The following PIK3CD variants were observed in gnomAD, a reference collection of about 807,000 sequenced individuals.
PIK3CD encodes phosphatidylinositol-4,5-bisphosphate 3-kinase catalytic subunit delta, also known as phosphatidylinositol 4,5-bisphosphate 3-kinase catalytic subunit delta isoform.
A neutral mutation model predicts 122.9 loss-of-function variants in PIK3CD; 20 were observed. The observed-to-expected ratio is 0.16, with a 90% CI of 0.11 to 0.24. The LOEUF is 0.24. PIK3CD is among the 10% of genes least tolerant of loss of function. The pLI is 1.00. For synonymous variants in PIK3CD, 596 were observed against 593.4 expected (o/e 1.00, Z -0.06); for missense variants, 787 against 1,406.3 (o/e 0.56, Z 7.04).
At chr1:9,656,153 G>A (rs748793524) in intron 1 of PIK3CD, among the ~76,000 whole-genome samples, 2 of 152,122 alleles carry the variant, frequency 1.3e-5, no homozygotes, top group African/African-American at 4.8e-5. Flanking sequence ...GGAGTAGGGT[G>A]GGGGAGGAGG....
chr1:9,631,669 GA>G, the PIK3CD span, among the ~76,000 whole-genome samples: 2 of 151,648 alleles, frequency 1.3e-5, no homozygotes, highest in Non-Finnish European at 2.9e-5. Context: ...CTCCAACTCA[GA>G]AAAAAAAGGG....
At chr1:9,641,229 C>T in the PIK3CD span, among the ~76,000 whole-genome samples, 1 of 152,152 alleles carries the variant, frequency 6.6e-6, no homozygotes, top group African/African-American at 2.4e-5. Flanking sequence ...TACACACTTG[C>T]TGGATGAATC....
chr1:9,642,176 G>A, the PIK3CD span, among the ~76,000 whole-genome samples: 175 of 151,874 alleles, frequency 1.2e-3, 3 homozygotes, highest in African/African-American at 4.1e-3. Context: ...GCAATGGTGC[G>A]ATCTTGGCTC....
rs765031777 is a variant in PIK3CD, at chr1:9,715,722, G to T, written c.323G>T (p.Arg108Leu). Reference sequence around the variant, plus strand: ...CGCCTGGTGGCCCGTGAGGGCGACCGCGTGAAGAAGCTCATCAACTCACAG... The same window carrying T: ...CGCCTGGTGGCCCGTGAGGGCGACCTCGTGAAGAAGCTCATCAACTCACAG... The part of the protein sequence containing the change: ...VLRLVAREGD[R>L]VKKLINSQIS... The change falls in exon 4 of 24, where the codon CGC becomes CTC. Residue 108 changes from arginine to leucine, a missense_variant. Arg to Leu is a moderately radical substitution (Grantham distance 102). Coordinates refer to ENST00000377346, the MANE Select transcript of PIK3CD (RefSeq NM_005026.5). The surrounding 1 kb of genome is among the most constrained non-coding windows in gnomAD (Gnocchi z 4.1). The T allele has an allele frequency of 1.2e-5, 19 of 1,613,382 alleles. No homozygotes were observed. Among genetic ancestry groups the T allele is most frequent in the Non-Finnish European group, 1.2e-5 (14 of 1,180,014 alleles).
rs201391801 is a variant in PIK3CD, at chr1:9,704,506, CTTTGTTTTGT to C, written c.-32-5904_-32-5895del. Among the ~76,000 whole-genome samples, 4 of 151,818 alleles carry C rather than the reference CTTTGTTTTGT, an allele frequency of 2.6e-5. No individual in the cohort carries two copies. Among genetic ancestry groups the C allele is most frequent in the African/African-American group, 9.7e-5 (4 of 41,342 alleles). ...TCTCCCAAGTTGTTTTTTTGTTTTGCTTTGTTTTGTTTTGTTTTGTTTTTGAGACAGGGTC... is the reference window on the plus strand; with the variant it reads ...TCTCCCAAGTTGTTTTTTTGTTTTGCTTTGTTTTGTTTTTGAGACAGGGTC... On this transcript the variant is annotated intron_variant, in intron 2 of 23. Transcript: ENST00000377346. The surrounding 1 kb of genome is among the most constrained non-coding windows in gnomAD (Gnocchi z 5.0).
At chr1:9,642,054 C>T in the PIK3CD span, among the ~76,000 whole-genome samples, 1 of 152,130 alleles carries the variant, frequency 6.6e-6, no homozygotes, top group Non-Finnish European at 1.5e-5. Flanking sequence ...CCCGCCCTTA[C>T]TACAGGGAGT....
intron 1 of PIK3CD, among the ~76,000 whole-genome samples, chr1:9,658,029 T>C (rs6540991): frequency 0.46 from 70,599 of 152,002 alleles, 18,345 homozygotes; most frequent in East Asian, 0.86. Flanking sequence ...TCATGAAATC[T>C]GGAAGAAGTG....
At chr1:9,631,154 C>T in the PIK3CD span, among the ~76,000 whole-genome samples, 1 of 152,280 alleles carries the variant, frequency 6.6e-6, no homozygotes, top group South Asian at 2.1e-4. Flanking sequence ...CCCATCTGCC[C>T]GTCTGCATCA....
At chr1:9,698,331 G>A (rs1046605429) in intron 2 of PIK3CD, among the ~76,000 whole-genome samples, 3 of 152,194 alleles carry the variant, frequency 2.0e-5, no homozygotes, top group East Asian at 1.9e-4. Context: ...TAATAGAGAC[G>A]GGGTTTCACC....
the PIK3CD span, among the ~76,000 whole-genome samples, chr1:9,629,940 C>T: frequency 6.6e-6 from 1 of 152,148 alleles, no homozygotes; most frequent in African/African-American, 2.4e-5. Context: ...GGGGCGGAGG[C>T]GGAGGCCTGC....
chr1:9,690,500 T>C lies in PIK3CD; in HGVS notation c.-137-967T>C, dbSNP rs145380924. Among the ~76,000 whole-genome samples, 65 of 152,354 alleles carry C rather than the reference T, an allele frequency of 4.3e-4. No homozygotes were observed. In the East Asian group the frequency reaches 0.013, roughly 29 times the overall value. On this transcript the variant is annotated intron_variant, in intron 1 of 23. Coordinates refer to ENST00000377346, the MANE Select transcript of PIK3CD (RefSeq NM_005026.5). ...GTCAGCAATGGAAGGGATTTCTTCC[T>C]TAGCCTTTGGTGCTGACCTCCTGTT...
rs1008458740 is a variant in PIK3CD at position 9,652,089 on chromosome 1, A to C, written c.-138+287A>C. Among the ~76,000 whole-genome samples, 2 of 151,830 alleles carry C rather than the reference A, an allele frequency of 1.3e-5. 1 individual carries two copies. The highest frequency in any genetic ancestry group is 3.9e-4 in the East Asian group (2 of 5,150). Reference sequence around the variant, plus strand: ...GCGTGCGCAGCTCCCCGGCGCCTGCACTGCGCGCCTTGCCCGCCTGGCCCG... The same window carrying C: ...GCGTGCGCAGCTCCCCGGCGCCTGCCCTGCGCGCCTTGCCCGCCTGGCCCG... On this transcript the variant is annotated intron_variant, in intron 1 of 23. Transcript: ENST00000377346. This position sits in a 1 kb window ranked among gnomAD's most constrained non-coding sequence, Gnocchi z 6.2.
chr1:9,692,725 G>A lies in PIK3CD; in HGVS notation c.-33+1154G>A, dbSNP rs4846201. Among the ~76,000 whole-genome samples, 636 of 152,098 alleles carry A rather than the reference G, an allele frequency of 4.2e-3. 3 individuals carry two copies. Among genetic ancestry groups the A allele is most frequent in the Non-Finnish European group, 6.1e-3 (412 of 67,960 alleles). ...AGCCTGGGTGACAGAGTGAGACTCC[G>A]TCTCAAAAAAATAAATAAATAAAAT... On this transcript the variant is annotated intron_variant, in intron 2 of 23. Transcript: ENST00000377346.
chr1:9,631,965 T>TTCCCTCCC, the PIK3CD span, among the ~76,000 whole-genome samples: 2 of 149,908 alleles, frequency 1.3e-5, no homozygotes, highest in African/African-American at 5.1e-5. Flanking sequence ...TCCATCCTTC[T>TTCCCTCCC]TCCCTCCCTC....
At chr1:9,643,126 A>G in the PIK3CD span, among the ~76,000 whole-genome samples, 8 of 116,572 alleles carry the variant, frequency 6.9e-5, no homozygotes, top group Non-Finnish European at 1.1e-4. Context: ...AAAGAAGGAA[A>G]GGCCAGGCAT....
chr1:9,708,556 C>T (rs565187725), intron 2 of PIK3CD, among the ~76,000 whole-genome samples: 1 of 152,242 alleles, frequency 6.6e-6, no homozygotes, highest in African/African-American at 2.4e-5. Flanking sequence ...AATATAAAAA[C>T]ATGCATGGAC....
At position 9,700,895 on chromosome 1, in the gene PIK3CD, G is replaced by A. The variant is rs1316088294; in HGVS notation, c.-33+9324G>A. Among the ~76,000 whole-genome samples the A allele has an allele frequency of 6.6e-6, 1 of 151,932 alleles. No homozygotes were observed. Among genetic ancestry groups the A allele is most frequent in the African/African-American group, 2.4e-5 (1 of 41,336 alleles). On this transcript the variant is annotated intron_variant, in intron 2 of 23. Transcript: ENST00000377346. The surrounding 1 kb of genome is among the most constrained non-coding windows in gnomAD (Gnocchi z 5.1). ...CTTCCTCCTGCACCGTCCCCCAAGG[G>A]TCCCTCTGATTTAAGTATGTCTGGA... is the stretch of plus-strand genomic sequence containing the variant.
Position 9,717,767 on chromosome 1 carries a change from C to T in PIK3CD, c.1020+141C>T, listed in dbSNP as rs1647760093. On this transcript the variant is annotated intron_variant, in intron 8 of 23. Coordinates refer to ENST00000377346, the MANE Select transcript of PIK3CD (RefSeq NM_005026.5). The surrounding 1 kb of genome is among the most constrained non-coding windows in gnomAD (Gnocchi z 5.4). ...TTACCCAGCATCCCTGCCTGGGGCG[C>T]TGTGAGCGGCTTGAAAACAGGAAGT... 5.0e-6 allele frequency: 4 copies of T among 802,050 alleles called. No homozygotes were observed. Among genetic ancestry groups the T allele is most frequent in the African/African-American group, 1.7e-5 (1 of 58,632 alleles). 49.7% of individuals were successfully genotyped at this position (802,050 alleles called of 1,614,324 possible). A position where few individuals can be genotyped will look rare whatever the true frequency, so the allele number is the denominator to read the frequency against.
At chr1:9,703,737 C>G (rs1271842922) in intron 2 of PIK3CD, among the ~76,000 whole-genome samples, 1 of 152,146 alleles carries the variant, frequency 6.6e-6, no homozygotes, top group Admixed American at 6.6e-5. Context: ...GAGTATCACA[C>G]ATTATTTTGC....
Sources: gnomAD v4.1 joint callset for allele counts (sites outside exome capture counted in the v4.1 genomes callset) on GRCh38, gnomAD v4.1.1 for gene constraint, Gnocchi (gnomAD v3.1) non-coding constraint, MANE v1.5 for transcripts, NCBI Gene and HGNC (gene_info 2026-07-23, HGNC 2026-07-21) for gene names.